The following ACOT12 variants were observed in gnomAD, a reference collection of about 807,000 sequenced individuals.
ACOT12 encodes the protein acyl-CoA thioesterase 12.
In ACOT12, 51 loss-of-function variants were observed where a neutral mutation model predicts 67.7. The observed-to-expected ratio is 0.75, with a 90% CI of 0.60 to 0.95. ACOT12 has a LOEUF of 0.95. Ranked by LOEUF, ACOT12 falls within the 40% of genes least tolerant of loss-of-function variation. The pLI is 0.00. For missense variants in ACOT12, 734 were observed against 708.1 expected, an observed-to-expected ratio of 1.04 and a Z score of -0.41; for synonymous variants, 251 against 244.6, an observed-to-expected ratio of 1.03 and a Z score of -0.24.
chr5:81,389,955 ATTTTT>A, intron 1 of ACOT12, among the ~76,000 whole-genome samples: 1 of 129,548 alleles, frequency 7.7e-6, no homozygotes. Flanking sequence ...TTATTTATGT[ATTTTT>A]TTTTTTTTTT....
At chr5:81,320,646 C>T in the ACOT12 span, among the ~76,000 whole-genome samples, 1 of 151,920 alleles carries the variant, frequency 6.6e-6, no homozygotes, top group Non-Finnish European at 1.5e-5. Flanking sequence ...ATTCAAGGGA[C>T]CAGACTGCAT....
intron 2 of ACOT12, among the ~76,000 whole-genome samples, chr5:81,373,564 G>T (rs1419533863): frequency 1.3e-5 from 2 of 152,180 alleles, no homozygotes; most frequent in Admixed American, 6.5e-5. Context: ...GGAGCCGAGT[G>T]GTCTGGCTTG....
intron 1 of ACOT12, among the ~76,000 whole-genome samples, chr5:81,386,994 C>CTTTTTTTTTTT (rs1052387807): frequency 3.1e-5 from 4 of 128,480 alleles, no homozygotes; most frequent in African/African-American, 6.5e-5. Flanking sequence ...GGATGAGTTC[C>CTTTTTTTTTTT]ATTTTTTTTT....
At position 81,333,201 on chromosome 5, in the gene ACOT12, T is replaced by C. The variant is rs375064467; in HGVS notation, c.1263-596A>G. ...ATTCTCAATACTTCAGTGAAAGGCATTGAGCTGTTTTACACAAAATTATTT... is the reference window on the plus strand; with the variant it reads ...ATTCTCAATACTTCAGTGAAAGGCACTGAGCTGTTTTACACAAAATTATTT... On this transcript the variant is annotated intron_variant, in intron 12 of 14. Coordinates refer to ENST00000307624, the MANE Select transcript of ACOT12 (RefSeq NM_130767.3). Among the ~76,000 whole-genome samples the C allele has an allele frequency of 9.2e-5, 14 of 152,318 alleles. No individual in the cohort carries two copies. The East Asian group carries it at 2.1e-3, about 23-fold the overall frequency.
In ACOT12 at chr5:81,360,003, T is replaced by C. The variant is rs759105449; in HGVS notation, c.396A>G (p.Gln132=). 6.2e-7 allele frequency: 1 copy of C among 1,612,098 alleles called. No homozygotes were observed. Among genetic ancestry groups the C allele is most frequent in the Non-Finnish European group, 8.5e-7 (1 of 1,179,536 alleles). The change falls in exon 5 of 15, where the codon CAA becomes CAG. Residue 132 remains glutamine, a synonymous_variant. Transcript: ENST00000307624. ...CAGCCAGATTATGTTCCACATGATC[T>C]TGTTCAGTTAGAAGTGTGACTGGTT... is the stretch of plus-strand genomic sequence containing the variant. ...HLKPVTLLTE[Q]DHVEHNLAAE... is the part of the protein sequence containing the mutation.
chr5:81,376,305 C>A (rs113373126), intron 2 of ACOT12, among the ~76,000 whole-genome samples: 3 of 151,976 alleles, frequency 2.0e-5, no homozygotes, highest in Non-Finnish European at 4.4e-5. Flanking sequence ...AACAAAGACA[C>A]AATGTACCAG....
At chr5:81,342,564 G>C in intron 11 of ACOT12, 108 bp downstream of exon 11, 1 of 1,121,092 alleles carries the variant, frequency 8.9e-7, no homozygotes, top group Non-Finnish European at 1.3e-6. Context: ...TTCCTCAAAA[G>C]ATTTTGTTAC....
At position 81,393,917 on chromosome 5, in the gene ACOT12, C is replaced by G. The variant is rs148909874; in HGVS notation, c.127+71G>C. The G allele has an allele frequency of 4.1e-4, 520 of 1,274,880 alleles. 4 individuals carry two copies. The South Asian group carries it at 5.3e-3, about 13-fold the overall frequency. 79.0% of individuals were successfully genotyped at this position (1,274,880 alleles called of 1,614,324 possible). On this transcript the variant is annotated intron_variant, in intron 1 of 14. Transcript: ENST00000307624. ...GTACCTTCCTCGCCTTCCTACCCCC[C>G]CCAGCCCCCAGCCGCCGCCGCTCCC...
At chr5:81,385,152 T>C (rs1207317250) in intron 2 of ACOT12, among the ~76,000 whole-genome samples, 1 of 152,118 alleles carries the variant, frequency 6.6e-6, no homozygotes, top group Admixed American at 6.6e-5. Context: ...GGGATGTTAA[T>C]AATTAGCTTA....
At chr5:81,347,645 T>C (rs1324856396) in intron 6 of ACOT12, 129 bp downstream of exon 6, 1 of 1,015,708 alleles carries the variant, frequency 9.8e-7, no homozygotes, top group Non-Finnish European at 1.4e-6. Context: ...TTAGAAATCA[T>C]TATAAAAGGC....
chr5:81,315,365 A>G, the ACOT12 span, among the ~76,000 whole-genome samples: 1 of 152,138 alleles, frequency 6.6e-6, no homozygotes, highest in South Asian at 2.1e-4. Flanking sequence ...TGCTATGACC[A>G]GCTTGAGTCT....
At chr5:81,349,107 A>C (rs1759475837) in intron 5 of ACOT12, among the ~76,000 whole-genome samples, 1 of 152,202 alleles carries the variant, frequency 6.6e-6, no homozygotes, top group South Asian at 2.1e-4. Context: ...CTGAGCTTGC[A>C]GTGTGAGAGG....
intron 10 of ACOT12, 52 bp from the exon 11 acceptor site, chr5:81,342,807 G>A: frequency 6.4e-7 from 1 of 1,561,452 alleles, no homozygotes; most frequent in Admixed American, 1.7e-5. Flanking sequence ...ACATGGATGT[G>A]TGATCATATA....
In ACOT12 at chr5:81,344,997, C is replaced by T. The variant is rs1465878292; in HGVS notation, c.818G>A (p.Trp273Ter). The T allele has an allele frequency of 1.2e-6, 2 of 1,614,204 alleles. No homozygotes were observed. The highest frequency in any genetic ancestry group is 8.5e-7 in the Non-Finnish European group (1 of 1,180,034). ...VRVEAFDCQE[W>*]AEGRGRHINS... Reference sequence around the variant, plus strand: ...GATGTGACGCCCTCGGCCCTCGGCCCATTCCTGACAGTCAAAGGCCTCCAC... The same window carrying T: ...GATGTGACGCCCTCGGCCCTCGGCCTATTCCTGACAGTCAAAGGCCTCCAC... Residue 273 changes from tryptophan (W) to a stop codon, truncating the protein, a stop_gained, in exon 8 of 15, where the codon TGG (tryptophan) becomes TAG (stop). Coordinates refer to ENST00000307624, the MANE Select transcript of ACOT12 (RefSeq NM_130767.3). LOFTEE classifies it high-confidence loss of function.
chr5:81,393,040 T>A (rs1760904741), intron 1 of ACOT12, among the ~76,000 whole-genome samples: 1 of 152,176 alleles, frequency 6.6e-6, no homozygotes, highest in East Asian at 1.9e-4. Flanking sequence ...GTGTATAAAT[T>A]TCGGTGGGTG....
At position 81,363,905 on chromosome 5, in the gene ACOT12, G is replaced by T. The variant is rs1392646414; in HGVS notation, c.259-16C>A. The stretch of plus-strand genomic sequence containing the variant: ...TGATACTGATCTAAAATGAAAAAAA[G>T]ATAAATAAATACACTCTTGGCCAGT... On this transcript the variant is annotated splice_polypyrimidine_tract_variant and intron_variant, in intron 3 of 14. Coordinates refer to ENST00000307624, the MANE Select transcript of ACOT12 (RefSeq NM_130767.3). 2 of 1,545,540 alleles carry T rather than the reference G, an allele frequency of 1.3e-6. No individual in the cohort carries two copies. The highest frequency in any genetic ancestry group is 1.7e-4 in the Middle Eastern group (1 of 5,790).
chr5:81,312,730 T>TA, the ACOT12 span: 2 of 1,181,386 alleles, frequency 1.7e-6, no homozygotes, highest in Non-Finnish European at 2.5e-6. Flanking sequence ...CTTCACGAGT[T>TA]AGAGTTGAGC....
intron 5 of ACOT12, among the ~76,000 whole-genome samples, chr5:81,351,256 C>T (rs912755300): frequency 8.5e-5 from 13 of 152,204 alleles, no homozygotes; most frequent in African/African-American, 2.7e-4. Context: ...ATATCCCAAA[C>T]TAGTATTTAT....
At chr5:81,385,031 T>C (rs1451092597) in intron 2 of ACOT12, among the ~76,000 whole-genome samples, 1 of 152,208 alleles carries the variant, frequency 6.6e-6, no homozygotes, top group Non-Finnish European at 1.5e-5. Context: ...TAAAATGTTT[T>C]TCATAATTTA....
Sources: allele counts gnomAD v4.1 joint callset (sites outside exome capture counted in the v4.1 genomes callset), GRCh38; gene constraint gnomAD v4.1.1; transcripts MANE v1.5; gene names NCBI Gene and HGNC (gene_info 2026-07-23, HGNC 2026-07-21).